The following SLIT3 variants were observed in gnomAD, a reference collection of about 807,000 sequenced individuals.
The protein encoded by SLIT3 is slit homolog 3 protein.
In SLIT3, 68 loss-of-function variants were observed where a neutral mutation model predicts 184.0. That is an observed-to-expected ratio of 0.37 (90% confidence interval 0.30 to 0.45). SLIT3 has a LOEUF of 0.45. Among genes scored for constraint, SLIT3 ranks in the 20% least tolerant of loss-of-function variants. The pLI is 1.00. For missense variants in SLIT3, 1,707 were observed against 2,026.0 expected, an observed-to-expected ratio of 0.84 and a Z score of 3.02; for synonymous variants, 831 against 828.6, an observed-to-expected ratio of 1.00 and a Z score of -0.05.
intron 1 of SLIT3, among the ~76,000 whole-genome samples, chr5:169,277,518 G>T (rs548370233): frequency 1.3e-5 from 2 of 152,204 alleles, no homozygotes; most frequent in Non-Finnish European, 2.9e-5. Context: ...GATTACAGAG[G>T]TGACCCACCA....
intron 4 of SLIT3, among the ~76,000 whole-genome samples, chr5:169,009,226 A>G (rs80004162): frequency 0.057 from 8,726 of 152,232 alleles, 300 homozygotes; most frequent in Admixed American, 0.12. Context: ...CCCCTTCTAC[A>G]TCCATGTCCT....
In SLIT3 at chr5:168,754,063, C is replaced by T. The variant is rs115682715; in HGVS notation, c.1686-56G>A. The T allele has an allele frequency of 4.2e-4, 626 of 1,508,252 alleles. 2 individuals carry two copies. The African/African-American group carries it at 5.9e-3, about 14-fold the overall frequency. 93.4% of individuals were successfully genotyped at this position (1,508,252 alleles called of 1,614,324 possible). A position where few individuals can be genotyped will look rare whatever the true frequency, so the allele number is the denominator to read the frequency against. On this transcript the variant is annotated intron_variant, in intron 16 of 35. Transcript: ENST00000519560. ...CAAAAGGAGCAGATGGTCTTGATGC[C>T]GGGAGGGGATGACTTGCCCTGCAGC... is the stretch of plus-strand genomic sequence containing the variant.
At chr5:169,051,947 A>G (rs991317054) in intron 4 of SLIT3, among the ~76,000 whole-genome samples, 1 of 152,138 alleles carries the variant, frequency 6.6e-6, no homozygotes, top group Non-Finnish European at 1.5e-5. Context: ...ATCATCTGCA[A>G]CCCAGGTCTT....
At chr5:169,020,875 C>A (rs1053116493) in intron 4 of SLIT3, among the ~76,000 whole-genome samples, 3 of 152,192 alleles carry the variant, frequency 2.0e-5, no homozygotes, top group Non-Finnish European at 4.4e-5. Flanking sequence ...CATCACTGAC[C>A]AGTAGATGCC....
At chr5:168,856,600 T>G (rs900536284) in intron 5 of SLIT3, among the ~76,000 whole-genome samples, 1 of 152,102 alleles carries the variant, frequency 6.6e-6, no homozygotes, top group Non-Finnish European at 1.5e-5. Flanking sequence ...GTAAACTTGA[T>G]GGAAGGAGAA....
At chr5:169,083,296 G>C (rs1224483367) in intron 4 of SLIT3, among the ~76,000 whole-genome samples, 1 of 151,364 alleles carries the variant, frequency 6.6e-6, no homozygotes, top group Non-Finnish European at 1.5e-5. Context: ...ATTCCCTCAA[G>C]AGAGTCATAC....
At position 168,874,830 on chromosome 5, in the gene SLIT3, C is replaced by T. The variant is rs200728236; in HGVS notation, c.485+8435G>A. On this transcript the variant is annotated intron_variant, in intron 5 of 35. Transcript: ENST00000519560. The stretch of plus-strand genomic sequence containing the variant: ...ATTTAACTAATCAGCTGGTATTTAT[C>T]GAGCACTTATGCCATTGGCCCCGGG... Among the ~76,000 whole-genome samples the T allele has an allele frequency of 3.3e-5, 5 of 152,298 alleles. No homozygotes were observed. In the East Asian group the frequency reaches 7.7e-4, roughly 24 times the overall value.
intron 4 of SLIT3, among the ~76,000 whole-genome samples, chr5:169,149,628 A>G (rs1762047609): frequency 6.6e-6 from 1 of 152,208 alleles, no homozygotes; most frequent in South Asian, 2.1e-4. Flanking sequence ...GAGGAAATTG[A>G]TGTTCCACAG....
At chr5:169,265,717 A>T (rs563849206) in intron 1 of SLIT3, among the ~76,000 whole-genome samples, 8 of 152,208 alleles carry the variant, frequency 5.3e-5, no homozygotes, top group Non-Finnish European at 7.3e-5. Context: ...ATTAAATGAG[A>T]TGATACGTAT....
At chr5:169,050,288 C>T (rs1757770668) in intron 4 of SLIT3, among the ~76,000 whole-genome samples, 1 of 152,196 alleles carries the variant, frequency 6.6e-6, no homozygotes, top group Non-Finnish European at 1.5e-5. Context: ...TGAGCTCTTT[C>T]TTGAGAGTGA....
intron 4 of SLIT3, among the ~76,000 whole-genome samples, chr5:168,922,623 T>C (rs1157383447): frequency 1.3e-5 from 2 of 152,170 alleles, no homozygotes; most frequent in African/African-American, 4.8e-5. Context: ...GGTCTTCAAC[T>C]GCAGATGCTG....
At chr5:168,773,645 C>CA (rs1311460116) in intron 13 of SLIT3, among the ~76,000 whole-genome samples, 2 of 151,960 alleles carry the variant, frequency 1.3e-5, no homozygotes, top group Non-Finnish European at 2.9e-5. Context: ...CTGGAGCCAT[C>CA]AAAAAATGGG....
rs375522795 is a variant in SLIT3 at position 168,844,095 on chromosome 5, T to G, written c.557+489A>C. ...AATGACTGGGCTTTCCCAGGCTGTG[T>G]GGCATTCCCCTGCCCTGTGCCAAGG... On this transcript the variant is annotated intron_variant, in intron 6 of 35. Coordinates refer to ENST00000519560, the MANE Select transcript of SLIT3 (RefSeq NM_003062.4). Among the ~76,000 whole-genome samples, 65 of 151,512 alleles carry G rather than the reference T, an allele frequency of 4.3e-4. No individual in the cohort carries two copies. In the South Asian group the frequency reaches 0.013, roughly 31 times the overall value.
At chr5:169,260,604 G>C (rs894190373) in intron 1 of SLIT3, among the ~76,000 whole-genome samples, 1 of 152,078 alleles carries the variant, frequency 6.6e-6, no homozygotes, top group African/African-American at 2.4e-5. Context: ...TATGGTCTTG[G>C]GTTCTACAGT....
intron 5 of SLIT3, among the ~76,000 whole-genome samples, chr5:168,881,161 G>A (rs1759935818): frequency 6.6e-6 from 1 of 152,214 alleles, no homozygotes; most frequent in Non-Finnish European, 1.5e-5. Context: ...GATCCTCACT[G>A]AGTTTAGGAT....
At chr5:168,940,104 A>G (rs1762285268) in intron 4 of SLIT3, among the ~76,000 whole-genome samples, 1 of 152,250 alleles carries the variant, frequency 6.6e-6, no homozygotes, top group South Asian at 2.1e-4. Flanking sequence ...ATAAATGATA[A>G]GTGTCAAATG....
intron 1 of SLIT3, among the ~76,000 whole-genome samples, chr5:169,271,955 C>G (rs1489435449): frequency 2.0e-5 from 3 of 152,174 alleles, no homozygotes; most frequent in African/African-American, 7.2e-5. Context: ...CAAATGAGCA[C>G]AGTGCTGGGG....
At chr5:168,841,365 T>C (rs536024681) in intron 6 of SLIT3, among the ~76,000 whole-genome samples, 4 of 152,320 alleles carry the variant, frequency 2.6e-5, no homozygotes, top group African/African-American at 7.2e-5. Flanking sequence ...CTTGAGTAAC[T>C]GCTAGCGATT....
At chr5:168,756,151 G>A (rs1388941589) in intron 16 of SLIT3, among the ~76,000 whole-genome samples, 1 of 152,218 alleles carries the variant, frequency 6.6e-6, no homozygotes, top group Admixed American at 6.5e-5. Flanking sequence ...GATAGACCAG[G>A]ACCATTTTAC....
Sources: gnomAD v4.1 joint callset for allele counts (sites outside exome capture counted in the v4.1 genomes callset) on GRCh38, gnomAD v4.1.1 for gene constraint, MANE v1.5 for transcripts, NCBI Gene and HGNC (gene_info 2026-07-23, HGNC 2026-07-21) for gene names.